The following CLVS1 variants were observed in gnomAD, a reference collection of about 807,000 sequenced individuals.
The protein encoded by CLVS1 is clavesin 1, also known as clavesin-1.
A neutral mutation model predicts 33.1 loss-of-function variants in CLVS1; 10 were observed. The ratio of observed to expected loss-of-function variants is 0.30; its 90% CI spans 0.19 to 0.51. The LOEUF is 0.51. Among genes scored for constraint, CLVS1 ranks in the 20% least tolerant of loss-of-function variants. The pLI is 0.97. For synonymous variants in CLVS1, 163 were observed against 166.1 expected, an observed-to-expected ratio of 0.98 and a Z score of 0.14; for missense variants, 343 against 433.4, an observed-to-expected ratio of 0.79 and a Z score of 1.85.
chr8:61,449,541 A>G (rs1816878770), intron 3 of CLVS1, among the ~76,000 whole-genome samples: 1 of 152,224 alleles, frequency 6.6e-6, no homozygotes, highest in Admixed American at 6.5e-5. Flanking sequence ...ATGGTTAGGA[A>G]GGGACCACAG....
At chr8:61,016,638 G>A in the CLVS1 span, among the ~76,000 whole-genome samples, 1 of 152,218 alleles carries the variant, frequency 6.6e-6, no homozygotes, top group Admixed American at 6.5e-5. Flanking sequence ...GGACTCCCAG[G>A]GGGTGGGGGA....
chr8:61,337,093 A>G (rs761803164), intron 2 of CLVS1, among the ~76,000 whole-genome samples: 2 of 152,180 alleles, frequency 1.3e-5, no homozygotes, highest in Admixed American at 1.3e-4. Flanking sequence ...GATCAATTGC[A>G]TCACCCAGAT....
chr8:61,359,642 C>T (rs1812888805), intron 2 of CLVS1, among the ~76,000 whole-genome samples: 1 of 152,192 alleles, frequency 6.6e-6, no homozygotes, highest in African/African-American at 2.4e-5. Context: ...AGGTGTGAGC[C>T]ACCATGCCTG....
intron 1 of CLVS1, among the ~76,000 whole-genome samples, chr8:61,128,321 C>T (rs1806017271): frequency 6.6e-6 from 1 of 152,214 alleles, no homozygotes; most frequent in Admixed American, 6.5e-5. Context: ...TTATGTTTTA[C>T]TTTTCATCAT....
chr8:61,138,719 G>T (rs181555336), intron 2 of CLVS1, among the ~76,000 whole-genome samples: 50 of 152,268 alleles, frequency 3.3e-4, no homozygotes, highest in African/African-American at 1.2e-3. Flanking sequence ...AGCCAGAGAA[G>T]GGGGAGAGCA....
At chr8:61,302,977 C>G (rs1045034169) in intron 2 of CLVS1, among the ~76,000 whole-genome samples, 1 of 152,128 alleles carries the variant, frequency 6.6e-6, no homozygotes, top group Non-Finnish European at 1.5e-5. Flanking sequence ...TGGTGCTTAA[C>G]CTTTAGAAAC....
chr8:61,289,738 C>T (rs1356760647), intron 1 of CLVS1, among the ~76,000 whole-genome samples: 2 of 152,038 alleles, frequency 1.3e-5, no homozygotes, highest in Non-Finnish European at 2.9e-5. Context: ...GAGGCATTGT[C>T]GAAAATAAAG....
chr8:61,407,914 A>G (rs1815053209), intron 3 of CLVS1, among the ~76,000 whole-genome samples: 1 of 152,252 alleles, frequency 6.6e-6, no homozygotes, highest in Non-Finnish European at 1.5e-5. Flanking sequence ...ACTTAAATGT[A>G]CTTATTCACT....
chr8:61,251,576 T>C (rs1328428108), intron 2 of CLVS1, among the ~76,000 whole-genome samples: 5 of 152,202 alleles, frequency 3.3e-5, no homozygotes, highest in African/African-American at 1.2e-4. Context: ...TATTAATTAC[T>C]GCCTCAATTT....
rs193182937 is a variant in CLVS1, at chr8:61,153,061, C to T, written c.-152+21201C>T. On this transcript the variant is annotated intron_variant, in intron 2 of 2. Coordinates refer to the CLVS1 transcript ENST00000522621. ...CACAAACCTGTAGTCCCAGCCACTC[C>T]GGAGGCTGAGGGGGGCTGCACTCCA... Among the ~76,000 whole-genome samples, 780 of 152,068 alleles carry T rather than the reference C, an allele frequency of 5.1e-3. 5 individuals carry two copies. The highest frequency in any genetic ancestry group is 0.018 in the African/African-American group (750 of 41,502).
the CLVS1 span, among the ~76,000 whole-genome samples, chr8:60,979,807 G>A: frequency 6.6e-6 from 1 of 152,178 alleles, no homozygotes; most frequent in Non-Finnish European, 1.5e-5. Context: ...CAGCCTGCCT[G>A]GGTTCAACCC....
chr8:61,096,976 C>T lies in CLVS1; in HGVS notation c.-242-34794C>T, dbSNP rs555502561. Among the ~76,000 whole-genome samples the T allele has an allele frequency of 5.9e-5, 9 of 152,268 alleles. No individual in the cohort carries two copies. In the South Asian group the frequency reaches 1.0e-3, roughly 18 times the overall value. ...CATGGATCCTGCAGGATTCTGTGAACGCTGCGTTCTATTATCTCCACCCTC... is the reference window on the plus strand; with the variant it reads ...CATGGATCCTGCAGGATTCTGTGAATGCTGCGTTCTATTATCTCCACCCTC... On this transcript the variant is annotated intron_variant, in intron 1 of 2. Transcript: ENST00000522621.
chr8:61,088,372 C>A lies in CLVS1; in HGVS notation c.-243+31142C>A, dbSNP rs1805163072. On this transcript the variant is annotated intron_variant, in intron 1 of 2. Transcript: ENST00000522621. ...AGGCATGGTGACGCTCACCTGTAAT[C>A]CCAGCTACTTGTGAGGCTGAGGCAG... Among the ~76,000 whole-genome samples the A allele has an allele frequency of 2.0e-5, 3 of 151,848 alleles. No homozygotes were observed. The South Asian group carries it at 6.2e-4, about 32-fold the overall frequency.
At chr8:61,029,932 G>A in the CLVS1 span, among the ~76,000 whole-genome samples, 11 of 152,294 alleles carry the variant, frequency 7.2e-5, no homozygotes, top group African/African-American at 2.6e-4. Flanking sequence ...TTTTCTGGGA[G>A]GAAAGGCCGC....
intron 2 of CLVS1, among the ~76,000 whole-genome samples, chr8:61,375,673 T>C (rs2080527300): frequency 6.6e-6 from 1 of 152,210 alleles, no homozygotes; most frequent in Admixed American, 6.5e-5. Flanking sequence ...TGGCTTCTGA[T>C]TTTAAGGAAA....
At chr8:61,232,041 T>TTTTG (rs1808454261) in intron 2 of CLVS1, among the ~76,000 whole-genome samples, 27 of 115,992 alleles carry the variant, frequency 2.3e-4, no homozygotes, top group African/African-American at 7.6e-4. Flanking sequence ...TTTTTTTTTT[T>TTTTG]TTTTTTTTTG....
chr8:61,006,035 A>G, the CLVS1 span, among the ~76,000 whole-genome samples: 1 of 152,180 alleles, frequency 6.6e-6, no homozygotes, highest in Admixed American at 6.5e-5. Flanking sequence ...TTTTCTGTTT[A>G]CTAGTGAAAT....
At chr8:61,227,885 C>G (rs148373750) in intron 2 of CLVS1, among the ~76,000 whole-genome samples, 1 of 152,128 alleles carries the variant, frequency 6.6e-6, no homozygotes. Context: ...GTTAGTCAAC[C>G]AAGTAATTCA....
chr8:61,284,090 A>G (rs1291772561), upstream of CLVS1, among the ~76,000 whole-genome samples: 2 of 152,252 alleles, frequency 1.3e-5, no homozygotes, highest in African/African-American at 4.8e-5. Flanking sequence ...CCTGAAGGAC[A>G]TTATGTTAAG....
Sources: allele counts gnomAD v4.1 joint callset (sites outside exome capture counted in the v4.1 genomes callset), GRCh38; gene constraint gnomAD v4.1.1; transcripts MANE v1.5; gene names NCBI Gene and HGNC (gene_info 2026-07-23, HGNC 2026-07-21).